VSTM2L: variants seen among roughly 807,000 people sequenced by gnomAD.
VSTM2L encodes V-set and transmembrane domain containing 2 like.
Under a neutral mutation model 19.9 loss-of-function variants are expected in VSTM2L, and 9 were observed. The observed-to-expected ratio is 0.45, with a 90% CI of 0.27 to 0.79. VSTM2L has a LOEUF of 0.79. Among genes scored for constraint, VSTM2L ranks in the 30% least tolerant of loss-of-function variants. The pLI is 0.15. For missense variants in VSTM2L, 286 were observed against 295.5 expected, an observed-to-expected ratio of 0.97 and a Z score of 0.24; for synonymous variants, 127 against 133.8, an observed-to-expected ratio of 0.95 and a Z score of 0.35.
chr20:37,930,629 A>G (rs535678970), intron 1 of VSTM2L, among the ~76,000 whole-genome samples: 2 of 151,948 alleles, frequency 1.3e-5, no homozygotes, highest in African/African-American at 2.4e-5. Flanking sequence ...GCTGGGCCAC[A>G]TGAAGTGGGG....
intron 1 of VSTM2L, among the ~76,000 whole-genome samples, chr20:37,920,285 AT>A (rs2072842969): frequency 6.6e-6 from 1 of 152,210 alleles, no homozygotes; most frequent in African/African-American, 2.4e-5. Context: ...AGGGACAATG[AT>A]CCCTGCCCAG....
At position 37,944,850 on chromosome 20, in the gene VSTM2L, T is replaced by TC; in HGVS notation, c.*599dup. 1 of 986,012 alleles carries TC rather than the reference T, an allele frequency of 1.0e-6. No individual in the cohort carries two copies. Among genetic ancestry groups the TC allele is most frequent in the Non-Finnish European group, 1.2e-6 (1 of 830,124 alleles). The allele number at this position is 986,012 out of a possible 1,614,324, so 61.1% of individuals were successfully genotyped here. On this transcript the variant is annotated 3_prime_UTR_variant, in exon 4 of 4. Coordinates refer to ENST00000373461, the MANE Select transcript of VSTM2L (RefSeq NM_080607.3). ...GCCCCACCACCTCCTGGCGAGTCCT[T>TC]CCTGTTCAGCTCCCTGTGCGACCCT...
At position 37,904,557 on chromosome 20, in the gene VSTM2L, G is replaced by C. The variant is rs1318816681; in HGVS notation, c.121+1086G>C. On this transcript the variant is annotated intron_variant, in intron 1 of 3. Coordinates refer to ENST00000373461, the MANE Select transcript of VSTM2L (RefSeq NM_080607.3). ...GCCTGGCTCTGGGATGGAGGCTCGAGCATAGATGAAACCAAAGGAGACCTT... is the reference window on the plus strand; with the variant it reads ...GCCTGGCTCTGGGATGGAGGCTCGACCATAGATGAAACCAAAGGAGACCTT... Among the ~76,000 whole-genome samples, 3 of 152,326 alleles carry C rather than the reference G, an allele frequency of 2.0e-5. No individual in the cohort carries two copies. The East Asian group carries it at 5.8e-4, about 29-fold the overall frequency.
At chr20:37,916,643 G>A (rs767466415) in intron 1 of VSTM2L, among the ~76,000 whole-genome samples, 1 of 152,212 alleles carries the variant, frequency 6.6e-6, no homozygotes, top group African/African-American at 2.4e-5. Flanking sequence ...CCGTGCCTCA[G>A]TTTCCCCATC....
chr20:37,923,506 T>A (rs980084835), intron 1 of VSTM2L, among the ~76,000 whole-genome samples: 4 of 152,224 alleles, frequency 2.6e-5, no homozygotes, highest in Non-Finnish European at 5.9e-5. Context: ...GGACACCAGT[T>A]TTAATTGTCT....
chr20:37,908,709 G>A (rs901012844), intron 1 of VSTM2L, among the ~76,000 whole-genome samples: 6 of 152,180 alleles, frequency 3.9e-5, no homozygotes, highest in East Asian at 3.9e-4. Flanking sequence ...AGGCTGAGGC[G>A]GGAGGATCAC....
Position 37,944,658 on chromosome 20 carries a change from A to C in VSTM2L, c.*405A>C. 2.0e-6 allele frequency: 2 copies of C among 1,004,282 alleles called. No homozygotes were observed. The highest frequency in any genetic ancestry group is 1.2e-6 in the Non-Finnish European group (1 of 843,394). 62.2% of individuals were successfully genotyped at this position (1,004,282 alleles called of 1,614,324 possible). A position where few individuals can be genotyped will look rare whatever the true frequency, so the allele number is the denominator to read the frequency against. On this transcript the variant is annotated 3_prime_UTR_variant, in exon 4 of 4. Transcript: ENST00000373461. ...CGCCTCCCTCCTCCTACCATCCCTC[A>C]CTTGGACCTGGGGGTGTGGACAGTG...
chr20:37,939,867 C>T (rs2072961709), intron 3 of VSTM2L, among the ~76,000 whole-genome samples: 2 of 152,204 alleles, frequency 1.3e-5, no homozygotes, highest in South Asian at 2.1e-4. Flanking sequence ...CCCATCCCTC[C>T]CTGCGGTGCT....
At chr20:37,934,646 A>C (rs1299533341) in intron 3 of VSTM2L, among the ~76,000 whole-genome samples, 2 of 152,170 alleles carry the variant, frequency 1.3e-5, no homozygotes, top group Non-Finnish European at 2.9e-5. Flanking sequence ...CAGGACCCCA[A>C]GGCCAATTTG....
Position 37,944,469 on chromosome 20 carries a change from G to A in VSTM2L, c.*216G>A, listed in dbSNP as rs773661778. 1.6e-6 allele frequency: 2 copies of A among 1,263,046 alleles called. No individual in the cohort carries two copies. The highest frequency in any genetic ancestry group is 2.0e-6 in the Non-Finnish European group (2 of 1,005,674). The allele number at this position is 1,263,046 out of a possible 1,614,324, so 78.2% of individuals were successfully genotyped here. A position where few individuals can be genotyped will look rare whatever the true frequency, so the allele number is the denominator to read the frequency against. ...GACCCCTGCGGTGACCTGGCTCGGAGAAGGTGGCCCTGGGCACCAAGGGGC... is the reference window on the plus strand; with the variant it reads ...GACCCCTGCGGTGACCTGGCTCGGAAAAGGTGGCCCTGGGCACCAAGGGGC... On this transcript the variant is annotated 3_prime_UTR_variant, in exon 4 of 4. Coordinates refer to ENST00000373461, the MANE Select transcript of VSTM2L (RefSeq NM_080607.3).
chr20:37,937,706 C>T (rs535914981), intron 3 of VSTM2L, among the ~76,000 whole-genome samples: 17 of 152,310 alleles, frequency 1.1e-4, no homozygotes, highest in Admixed American at 3.9e-4. Flanking sequence ...ACACTCCTGC[C>T]CTCTGGGTGC....
chr20:37,942,669 G>C (rs1403907814), intron 3 of VSTM2L, among the ~76,000 whole-genome samples: 1 of 152,358 alleles, frequency 6.6e-6, no homozygotes, highest in Middle Eastern at 3.4e-3. Context: ...TCAGTGAAGG[G>C]TGTGCTCTAG....
intron 2 of VSTM2L, among the ~76,000 whole-genome samples, chr20:37,933,065 G>A (rs1445623879): frequency 6.6e-6 from 1 of 152,208 alleles, no homozygotes; most frequent in African/African-American, 2.4e-5. Flanking sequence ...AGGTATCTGC[G>A]GTTGGAAGCT....
intron 1 of VSTM2L, among the ~76,000 whole-genome samples, chr20:37,930,716 C>G (rs992522821): frequency 6.6e-6 from 1 of 152,038 alleles, no homozygotes; most frequent in African/African-American, 2.4e-5. Context: ...GAACCGTATG[C>G]CCTGGGCTGT....
Position 37,945,231 on chromosome 20 carries a change from C to T in VSTM2L, c.*978C>T. On this transcript the variant is annotated 3_prime_UTR_variant, in exon 4 of 4. Coordinates refer to ENST00000373461, the MANE Select transcript of VSTM2L (RefSeq NM_080607.3). ...TGGCTGGCACCTCTGGCTGCCGCAG[C>T]TCAGTGATGACGTGGGGGAGGTGGG... 1 of 985,550 alleles carries T rather than the reference C, an allele frequency of 1.0e-6. No individual in the cohort carries two copies. Among genetic ancestry groups the T allele is most frequent in the Non-Finnish European group, 1.2e-6 (1 of 830,028 alleles). The allele number at this position is 985,550 out of a possible 1,614,324, so 61.1% of individuals were successfully genotyped here.
intron 1 of VSTM2L, among the ~76,000 whole-genome samples, chr20:37,922,340 T>G (rs2072856518): frequency 6.6e-6 from 1 of 152,176 alleles, no homozygotes; most frequent in Non-Finnish European, 1.5e-5. Context: ...GTGTCAGAAT[T>G]TCCCTCCTTT....
chr20:37,925,941 T>G (rs1017833405), intron 1 of VSTM2L, among the ~76,000 whole-genome samples: 3 of 152,230 alleles, frequency 2.0e-5, no homozygotes, highest in African/African-American at 7.2e-5. Context: ...CTTTCCCGAT[T>G]GCCTCCAGCT....
intron 1 of VSTM2L, among the ~76,000 whole-genome samples, chr20:37,924,848 T>C (rs2072871421): frequency 6.6e-6 from 1 of 152,030 alleles, no homozygotes; most frequent in South Asian, 2.1e-4. Flanking sequence ...TCTCTGGAGG[T>C]GTGCAAGTGG....
rs538982914 is a variant in VSTM2L at position 37,908,202 on chromosome 20, A to T, written c.121+4731A>T. Among the ~76,000 whole-genome samples, 3 of 152,316 alleles carry T rather than the reference A, an allele frequency of 2.0e-5. No homozygotes were observed. The East Asian group carries it at 5.8e-4, about 29-fold the overall frequency. ...CTGCAGCCTTTTCCCCAAACAAGAG[A>T]AGCCGCAGGCGGCCAGCAGGACGCA... On this transcript the variant is annotated intron_variant, in intron 1 of 3. Coordinates refer to ENST00000373461, the MANE Select transcript of VSTM2L (RefSeq NM_080607.3).
Sources: gnomAD v4.1 joint callset for allele counts (sites outside exome capture counted in the v4.1 genomes callset) on GRCh38, gnomAD v4.1.1 for gene constraint, MANE v1.5 for transcripts, NCBI Gene and HGNC (gene_info 2026-07-23, HGNC 2026-07-21) for gene names.